The following TUBGCP4 variants were observed in gnomAD, a reference collection of about 807,000 sequenced individuals.
The protein encoded by TUBGCP4 is gamma-tubulin complex component 4.
In TUBGCP4, 54 loss-of-function variants were observed where a neutral mutation model predicts 91.6. That is an observed-to-expected ratio of 0.59 (90% CI 0.47 to 0.74). The LOEUF (loss-of-function observed/expected upper bound fraction) is 0.74, where lower values mean the gene tolerates loss of function less well. Among genes scored for constraint, TUBGCP4 ranks in the 30% least tolerant of loss-of-function variants. The pLI is 0.00. For synonymous variants in TUBGCP4, 297 were observed against 302.8 expected, an observed-to-expected ratio of 0.98 and a Z score of 0.20; for missense variants, 593 against 800.9, an observed-to-expected ratio of 0.74 and a Z score of 3.13.
chr15:43,397,176 C>G (rs2044595557), intron 11 of TUBGCP4, 38 bp from the exon 12 acceptor site: 1 of 1,525,046 alleles, frequency 6.6e-7, no homozygotes, highest in African/African-American at 1.4e-5. Flanking sequence ...TGTTATGTAG[C>G]CAAGCGTCCC....
intron 5 of TUBGCP4, among the ~76,000 whole-genome samples, chr15:43,379,836 C>T (rs1426020767): frequency 1.3e-5 from 2 of 152,086 alleles, no homozygotes; most frequent in Non-Finnish European, 2.9e-5. Flanking sequence ...ATTAGAATCA[C>T]CTGGAGGGCT....
chr15:43,391,572 C>T (rs1315159041), intron 9 of TUBGCP4: 1 of 152,202 alleles, frequency 6.6e-6, no homozygotes, highest in Non-Finnish European at 1.5e-5. Flanking sequence ...GGTGGTCCCC[C>T]ACTCCCAGGT....
At position 43,409,494 on chromosome 15, in the gene TUBGCP4, T is replaced by G. The variant is rs1294580432; in HGVS notation, c.*4280T>G. The G allele has an allele frequency of 1.9e-6, 1 of 520,326 alleles. No homozygotes were observed. Among genetic ancestry groups the G allele is most frequent in the East Asian group, 3.0e-5 (1 of 33,208 alleles). 32.2% of individuals were successfully genotyped at this position (520,326 alleles called of 1,614,324 possible). On this transcript the variant is annotated 3_prime_UTR_variant, in exon 18 of 18. Transcript: ENST00000564079. ...TCTTCCCTATACACAACAAAAATTC[T>G]ATTTCATGCAAAAACATTTTGGCAG...
At chr15:43,392,757 C>T (rs1011926755) in intron 9 of TUBGCP4, among the ~76,000 whole-genome samples, 1 of 152,184 alleles carries the variant, frequency 6.6e-6, no homozygotes, top group African/African-American at 2.4e-5. Context: ...CTTCGGCCTT[C>T]CAAAGTGCTG....
At chr15:43,382,072 G>T (rs1352715498) in intron 6 of TUBGCP4, among the ~76,000 whole-genome samples, 2 of 151,940 alleles carry the variant, frequency 1.3e-5, no homozygotes, top group African/African-American at 4.8e-5. Context: ...AAAAAAGTAG[G>T]CATGCTGTGT....
At chr15:43,390,740 C>G (rs1302167391) in intron 9 of TUBGCP4, among the ~76,000 whole-genome samples, 1 of 151,974 alleles carries the variant, frequency 6.6e-6, no homozygotes, top group African/African-American at 2.4e-5. Context: ...AACTCCTGAC[C>G]TCAAGTGATC....
intron 11 of TUBGCP4, among the ~76,000 whole-genome samples, chr15:43,395,965 T>C (rs1313141824): frequency 1.3e-5 from 2 of 152,188 alleles, no homozygotes; most frequent in African/African-American, 2.4e-5. Context: ...TTATGGGCCA[T>C]ATTGGGACTT....
chr15:43,376,321 T>C, intron 2 of TUBGCP4, 95 bp downstream of exon 2: 1 of 1,602,330 alleles, frequency 6.2e-7, no homozygotes, highest in Non-Finnish European at 8.5e-7. Flanking sequence ...AAGCTTTCAG[T>C]GAATTTATCG....
At chr15:43,391,738 T>C (rs1209361377) in intron 9 of TUBGCP4, 1 of 152,208 alleles carries the variant, frequency 6.6e-6, no homozygotes, top group African/African-American at 2.4e-5. Context: ...TTTTTCTTTT[T>C]TTAATTTTAT....
At chr15:43,392,956 G>A (rs1437666266) in intron 9 of TUBGCP4, among the ~76,000 whole-genome samples, 2 of 152,078 alleles carry the variant, frequency 1.3e-5, no homozygotes, top group Non-Finnish European at 2.9e-5. Flanking sequence ...TCCCCAAGCA[G>A]CCACTGATCT....
chr15:43,409,457 G>C lies in TUBGCP4; in HGVS notation c.*4243G>C. ...GAACCATAGCCATTAACTAACCCAAGGTCCTACCTTCTCTTCCCTATACAC... is the reference window on the plus strand; with the variant it reads ...GAACCATAGCCATTAACTAACCCAACGTCCTACCTTCTCTTCCCTATACAC... On this transcript the variant is annotated 3_prime_UTR_variant, in exon 18 of 18. Coordinates refer to ENST00000564079, the MANE Select transcript of TUBGCP4 (RefSeq NM_014444.5). 1.9e-6 allele frequency: 1 copy of C among 529,638 alleles called. No homozygotes were observed. The allele number at this position is 529,638 out of a possible 1,614,324, so 32.8% of individuals were successfully genotyped here.
chr15:43,371,516 C>G, intron 1 of TUBGCP4, 84 bp downstream of exon 1: 1 of 1,416,656 alleles, frequency 7.1e-7, no homozygotes, highest in Non-Finnish European at 9.9e-7. Flanking sequence ...GCTGAGGGAC[C>G]TAGCGAGCGG....
intron 1 of TUBGCP4, among the ~76,000 whole-genome samples, chr15:43,373,501 T>TG (rs1369439571): frequency 6.6e-6 from 1 of 152,210 alleles, no homozygotes; most frequent in African/African-American, 2.4e-5. Context: ...ATGTATTAAC[T>TG]TATTTAATCC....
chr15:43,371,582 G>T, intron 1 of TUBGCP4, 150 bp downstream of exon 1: 1 of 769,194 alleles, frequency 1.3e-6, no homozygotes, highest in Admixed American at 2.5e-5. Flanking sequence ...CAGCCCCTTA[G>T]GGTCAAGGCT....
At chr15:43,380,622 G>T (rs766064704) in intron 6 of TUBGCP4, among the ~76,000 whole-genome samples, 35 of 152,140 alleles carry the variant, frequency 2.3e-4, no homozygotes, top group Admixed American at 7.9e-4. Context: ...ATGCACAAAC[G>T]TGTTCATTGC....
chr15:43,378,031 T>C (rs1458187468), intron 5 of TUBGCP4, 128 bp downstream of exon 5: 1 of 665,068 alleles, frequency 1.5e-6, no homozygotes, highest in Non-Finnish European at 2.4e-6. Flanking sequence ...CATTTAACAA[T>C]ATCTGCTTGG....
In TUBGCP4 at chr15:43,400,044, G is replaced by A. The variant is rs760254801; in HGVS notation, c.1419G>A (p.Lys473=). 7.5e-6 allele frequency: 12 copies of A among 1,609,532 alleles called. No homozygotes were observed. The East Asian group carries it at 2.5e-4, about 33-fold the overall frequency. The change falls in exon 14 of 18, where the codon AAG becomes AAA. Residue 473 remains lysine (K), a splice_region_variant and synonymous_variant. Transcript: ENST00000564079. ...HILFTPAVLE[K]YNVVFKYLLS... The stretch of plus-strand genomic sequence containing the variant: ...GAATATCCTGTTATTTCTGTCCTAG[G>A]TACAATGTTGTTTTTAAGTACTTAC...
At position 43,407,519 on chromosome 15, in the gene TUBGCP4, G is replaced by A. The variant is rs2044945295; in HGVS notation, c.*2305G>A. 2 of 1,614,102 alleles carry A rather than the reference G, an allele frequency of 1.2e-6. No individual in the cohort carries two copies. Among genetic ancestry groups the A allele is most frequent in the African/African-American group, 1.3e-5 (1 of 74,942 alleles). ...TGCTTCAGCACACTTCAGCACCGAGGCTGGGCATGAGGGGTCCGTCACCAC... is the reference window on the plus strand; with the variant it reads ...TGCTTCAGCACACTTCAGCACCGAGACTGGGCATGAGGGGTCCGTCACCAC... On this transcript the variant is annotated 3_prime_UTR_variant, in exon 18 of 18. Coordinates refer to ENST00000564079, the MANE Select transcript of TUBGCP4 (RefSeq NM_014444.5).
intron 11 of TUBGCP4, among the ~76,000 whole-genome samples, chr15:43,396,772 C>T (rs531329150): frequency 6.6e-6 from 1 of 152,264 alleles, no homozygotes; most frequent in Non-Finnish European, 1.5e-5. Context: ...GCAAGATAGT[C>T]TCTAGCCAAG....
Sources: gnomAD v4.1 joint callset for allele counts (sites outside exome capture counted in the v4.1 genomes callset) on GRCh38, gnomAD v4.1.1 for gene constraint, MANE v1.5 for transcripts, NCBI Gene and HGNC (gene_info 2026-07-23, HGNC 2026-07-21) for gene names.